Variants in GABBR2 observed in about 807,000 individuals in gnomAD.
GABBR2 encodes G-protein coupled receptor 51.
Under a neutral mutation model 105.6 loss-of-function variants are expected in GABBR2, and 23 were observed. That is an observed-to-expected ratio of 0.22 (90% CI 0.16 to 0.31). GABBR2 has a LOEUF of 0.31. Among genes scored for constraint, GABBR2 ranks in the 10% least tolerant of loss-of-function variants. The pLI, the probability that GABBR2 is intolerant of heterozygous loss-of-function variation, is 1.00. For synonymous variants in GABBR2, 478 were observed against 499.7 expected (o/e 0.96, Z 0.58); for missense variants, 734 against 1,245.5 (o/e 0.59, Z 6.18).
intron 13 of GABBR2, among the ~76,000 whole-genome samples, chr9:98,315,474 A>G (rs916209492): frequency 1.3e-5 from 2 of 152,210 alleles, no homozygotes; most frequent in African/African-American, 2.4e-5. Flanking sequence ...GAGGCTGGCA[A>G]TGGGCATCTG....
At chr9:98,400,392 T>C (rs935925801) in intron 8 of GABBR2, among the ~76,000 whole-genome samples, 1 of 151,826 alleles carries the variant, frequency 6.6e-6, no homozygotes, top group Non-Finnish European at 1.5e-5. Flanking sequence ...CAAATGTGGG[T>C]GGTAGGTAGG....
At chr9:98,469,272 AAGAG>A (rs953738421) in intron 6 of GABBR2, among the ~76,000 whole-genome samples, 2 of 152,152 alleles carry the variant, frequency 1.3e-5, no homozygotes, top group African/African-American at 4.8e-5. Flanking sequence ...GGCAGAAGGA[AAGAG>A]AGAGAGAGTG....
chr9:98,422,540 G>A (rs1418688981), intron 7 of GABBR2, among the ~76,000 whole-genome samples: 3 of 152,068 alleles, frequency 2.0e-5, no homozygotes, highest in Non-Finnish European at 1.5e-5. Context: ...GTGTCTGTGT[G>A]TGATGGAGGT....
chr9:98,698,058 C>T (rs982017050), intron 1 of GABBR2, among the ~76,000 whole-genome samples: 1 of 152,204 alleles, frequency 6.6e-6, no homozygotes, highest in Non-Finnish European at 1.5e-5. Flanking sequence ...TGAACAAAGT[C>T]AAGTGGATCA....
intron 1 of GABBR2, among the ~76,000 whole-genome samples, chr9:98,685,123 G>C (rs1238750371): frequency 6.6e-6 from 1 of 152,226 alleles, no homozygotes; most frequent in Non-Finnish European, 1.5e-5. Flanking sequence ...AAAGCAGGCA[G>C]AGGAAAATGG....
chr9:98,524,602 G>A (rs545628102), intron 3 of GABBR2, among the ~76,000 whole-genome samples: 1 of 152,292 alleles, frequency 6.6e-6, no homozygotes, highest in African/African-American at 2.4e-5. Flanking sequence ...AACTCATTCT[G>A]TCCAGTTGCT....
intron 1 of GABBR2, among the ~76,000 whole-genome samples, chr9:98,685,243 T>G (rs1313731111): frequency 2.0e-5 from 3 of 152,258 alleles, no homozygotes; most frequent in Non-Finnish European, 4.4e-5. Flanking sequence ...CTTTGGGAAC[T>G]ACACCAGTGG....
At position 98,385,785 on chromosome 9, in the gene GABBR2, A is replaced by C. The variant is rs1564043500; in HGVS notation, c.1530-13T>G. 1 of 1,602,936 alleles carries C rather than the reference A, an allele frequency of 6.2e-7. No individual in the cohort carries two copies. Among genetic ancestry groups the C allele is most frequent in the Non-Finnish European group, 8.5e-7 (1 of 1,170,318 alleles). ...CATCTTTATGAGCCTGACAAGAGAA[A>C]GAGACAATAGATTTAACAGAATGGT... On this transcript the variant is annotated splice_polypyrimidine_tract_variant and intron_variant, in intron 10 of 18. Transcript: ENST00000259455.
chr9:98,325,141 C>T (rs1830898753), intron 13 of GABBR2, among the ~76,000 whole-genome samples: 1 of 152,100 alleles, frequency 6.6e-6, no homozygotes, highest in African/African-American at 2.4e-5. Flanking sequence ...CCTAAGGAAG[C>T]CCAGTTCATT....
intron 1 of GABBR2, among the ~76,000 whole-genome samples, chr9:98,675,424 T>C (rs1463337522): frequency 6.6e-6 from 1 of 151,956 alleles, no homozygotes; most frequent in Non-Finnish European, 1.5e-5. Flanking sequence ...CCATGAGATC[T>C]GGAAACATGA....
chr9:98,608,580 CA>C (rs1829464038), intron 1 of GABBR2, among the ~76,000 whole-genome samples: 1 of 152,108 alleles, frequency 6.6e-6, no homozygotes, highest in Admixed American at 6.5e-5. Flanking sequence ...GCAGTATATA[CA>C]ATAATGTAAT....
intron 1 of GABBR2, among the ~76,000 whole-genome samples, chr9:98,578,954 G>C (rs565454218): frequency 1.3e-5 from 2 of 152,144 alleles, no homozygotes; most frequent in South Asian, 2.1e-4. Context: ...CCCGGGGCTG[G>C]GGGGAGCAGG....
At chr9:98,636,384 G>A (rs1829876452) in intron 1 of GABBR2, among the ~76,000 whole-genome samples, 1 of 151,758 alleles carries the variant, frequency 6.6e-6, no homozygotes, top group East Asian at 1.9e-4. Flanking sequence ...TAGCCCCAGT[G>A]TCTCAGATGA....
chr9:98,388,005 C>T lies in GABBR2; in HGVS notation c.1529+849G>A, dbSNP rs1832106239. On this transcript the variant is annotated intron_variant, in intron 10 of 18. Transcript: ENST00000259455. The surrounding 1 kb of genome is among the most constrained non-coding windows in gnomAD (Gnocchi z 4.4). ...AGCCATGGCACCATGTAGGTGGTCA[C>T]TGTGGCTGTCCCCATGACGGCCCAT... Among the ~76,000 whole-genome samples the T allele has an allele frequency of 6.6e-6, 1 of 152,206 alleles. No homozygotes were observed. The highest frequency in any genetic ancestry group is 1.5e-5 in the Non-Finnish European group (1 of 68,036).
chr9:98,607,955 G>C, intron 1 of GABBR2: 1 of 1,332,342 alleles, frequency 7.5e-7, no homozygotes, highest in Non-Finnish European at 1.1e-6. Flanking sequence ...CTGAAGCTGA[G>C]CTCCAGCGGC....
chr9:98,551,309 A>G (rs941213233), intron 2 of GABBR2, among the ~76,000 whole-genome samples: 16 of 152,190 alleles, frequency 1.1e-4, no homozygotes, highest in Admixed American at 7.8e-4. Flanking sequence ...AGGCTGAGGC[A>G]GAACAATCGC....
chr9:98,632,587 G>C (rs1278788147), intron 1 of GABBR2, among the ~76,000 whole-genome samples: 1 of 152,174 alleles, frequency 6.6e-6, no homozygotes, highest in Non-Finnish European at 1.5e-5. Context: ...GCTGTCGTGG[G>C]ATTCTGTCTC....
intron 15 of GABBR2, 130 bp from the exon 16 acceptor site, chr9:98,303,553 G>T: frequency 1.3e-6 from 1 of 765,522 alleles, no homozygotes. Flanking sequence ...CCACAGGCTG[G>T]GAGTCAGGAG....
intron 13 of GABBR2, among the ~76,000 whole-genome samples, chr9:98,335,556 A>T (rs1456229323): frequency 6.6e-6 from 1 of 152,104 alleles, no homozygotes; most frequent in Admixed American, 6.6e-5. Context: ...AAGCCAGTTA[A>T]ATCAGATATT....
Sources: gnomAD v4.1 joint callset for allele counts (sites outside exome capture counted in the v4.1 genomes callset) on GRCh38, gnomAD v4.1.1 for gene constraint, Gnocchi (gnomAD v3.1) non-coding constraint, MANE v1.5 for transcripts, NCBI Gene and HGNC (gene_info 2026-07-23, HGNC 2026-07-21) for gene names.